Variants in NCKAP5L observed in about 807,000 individuals in gnomAD.
The protein encoded by NCKAP5L is nck-associated protein 5-like.
NCKAP5L carries 54 observed loss-of-function variants against 103.2 expected under a neutral mutation model. The observed-to-expected ratio is 0.52, with a 90% CI of 0.42 to 0.66. NCKAP5L has a LOEUF of 0.66. Ranked by LOEUF, NCKAP5L falls within the 30% of genes least tolerant of loss-of-function variation. The probability of loss-of-function intolerance (pLI) is 0.00; values close to 1 mark genes in which losing one functional copy is unlikely to be tolerated. For missense variants in NCKAP5L, 1,733 were observed against 1,750.6 expected (o/e 0.99, Z 0.18); for synonymous variants, 762 against 748.6 (o/e 1.02, Z -0.29).
At position 49,793,873 on chromosome 12, in the gene NCKAP5L, G is replaced by C; in HGVS notation, c.3119C>G (p.Ser1040Cys). ...AGGCTTGGGCTCCCGCCAGCTCTTGGATGGCAGCTCCTTGCCATCCACCCT... is the reference window on the plus strand; with the variant it reads ...AGGCTTGGGCTCCCGCCAGCTCTTGCATGGCAGCTCCTTGCCATCCACCCT... ...LNRVDGKELP[S>C]KSWREPKPEY... Residue 1040 changes from serine (S) to cysteine (C), a missense_variant, in exon 9 of 13, where the codon TCC becomes TGC. Ser to Cys is a moderately radical substitution (Grantham distance 112, BLOSUM62 -1). Coordinates refer to ENST00000335999, the MANE Select transcript of NCKAP5L (RefSeq NM_001037806.4). 2 of 1,563,328 alleles carry C rather than the reference G, an allele frequency of 1.3e-6. No individual in the cohort carries two copies. Among genetic ancestry groups the C allele is most frequent in the Non-Finnish European group, 1.7e-6 (2 of 1,155,192 alleles).
At chr12:49,794,504 G>A (rs1057077120) in intron 8 of NCKAP5L, among the ~76,000 whole-genome samples, 1 of 152,106 alleles carries the variant, frequency 6.6e-6, no homozygotes, top group African/African-American at 2.4e-5. Context: ...GCCTCATCTG[G>A]TATGGAGACC....
At position 49,792,102 on chromosome 12, in the gene NCKAP5L, C is replaced by A; in HGVS notation, c.3793-51G>T. 1 of 1,443,926 alleles carries A rather than the reference C, an allele frequency of 6.9e-7. No homozygotes were observed. The highest frequency in any genetic ancestry group is 1.4e-5 in the South Asian group (1 of 70,982). 89.4% of individuals were successfully genotyped at this position (1,443,926 alleles called of 1,614,324 possible). A position where few individuals can be genotyped will look rare whatever the true frequency, so the allele number is the denominator to read the frequency against. On this transcript the variant is annotated intron_variant, in intron 12 of 12. Transcript: ENST00000335999. The surrounding 1 kb of genome is among the most constrained non-coding windows in gnomAD (Gnocchi z 4.5). ...GGAAGCTCCTCTCCACCTTTCGGCCCAGCCTCAGAGGCACTGAGCTCTGAG... is the reference window on the plus strand; with the variant it reads ...GGAAGCTCCTCTCCACCTTTCGGCCAAGCCTCAGAGGCACTGAGCTCTGAG...
At chr12:49,809,535 G>A (rs963035251) in intron 1 of NCKAP5L, among the ~76,000 whole-genome samples, 1 of 152,110 alleles carries the variant, frequency 6.6e-6, no homozygotes, top group Admixed American at 6.5e-5. Flanking sequence ...CTTAATCACA[G>A]AATCACCCGT....
At chr12:49,825,338 A>G (rs1198252086) in intron 1 of NCKAP5L, among the ~76,000 whole-genome samples, 2 of 152,182 alleles carry the variant, frequency 1.3e-5, no homozygotes, top group African/African-American at 2.4e-5. Flanking sequence ...GGGTTGTCGA[A>G]GGAGACAGTG....
chr12:49,804,108 G>T, intron 2 of NCKAP5L, 28 bp from the exon 3 acceptor site: 1 of 1,590,586 alleles, frequency 6.3e-7, no homozygotes, highest in South Asian at 1.1e-5. Flanking sequence ...GAGGAAGTGA[G>T]AAGGAGGAGG....
intron 1 of NCKAP5L, among the ~76,000 whole-genome samples, chr12:49,811,502 G>A (rs1378799635): frequency 2.0e-5 from 3 of 150,450 alleles, no homozygotes; most frequent in Middle Eastern, 3.4e-3. Flanking sequence ...GCCTGCTCCC[G>A]GGCAAAGCCA....
chr12:49,792,414 G>C lies in NCKAP5L; in HGVS notation c.3792+32C>G. 6.2e-7 allele frequency: 1 copy of C among 1,611,632 alleles called. No homozygotes were observed. The highest frequency in any genetic ancestry group is 8.5e-7 in the Non-Finnish European group (1 of 1,178,968). ...CCACATCACTCCCTCCTGCTCCCGA[G>C]TCCTTTCCCTTTCCTCTGCTGCAAT... On this transcript the variant is annotated intron_variant, in intron 12 of 12. Transcript: ENST00000335999. This position sits in a 1 kb window ranked among gnomAD's most constrained non-coding sequence, Gnocchi z 4.5.
chr12:49,807,064 C>A (rs560055499), intron 1 of NCKAP5L, among the ~76,000 whole-genome samples: 1 of 152,286 alleles, frequency 6.6e-6, no homozygotes, highest in East Asian at 1.9e-4. Flanking sequence ...ATAGGGGCAC[C>A]TGAAGATCTC....
chr12:49,825,718 A>C (rs1018523680), intron 1 of NCKAP5L, among the ~76,000 whole-genome samples: 3 of 152,038 alleles, frequency 2.0e-5, no homozygotes, highest in Admixed American at 2.0e-4. Context: ...CTGCAGCTTC[A>C]CCTTCATAGG....
Position 49,800,534 on chromosome 12 carries a change from CACTG to C in NCKAP5L, c.351+1310_351+1313del, listed in dbSNP as rs1339642442. Among the ~76,000 whole-genome samples the C allele has an allele frequency of 1.1e-4, 16 of 152,370 alleles. 1 individual carries two copies. The East Asian group carries it at 2.1e-3, about 20-fold the overall frequency. Reference sequence around the variant, plus strand: ...TGGGAATCACATCATAAACAGCTGCCACTGACTGACTATCTACTGTGGGCCAAGC... The same window carrying C: ...TGGGAATCACATCATAAACAGCTGCCACTGACTATCTACTGTGGGCCAAGC... On this transcript the variant is annotated intron_variant, in intron 6 of 12. Transcript: ENST00000335999.
chr12:49,818,092 G>A (rs11169165), intron 1 of NCKAP5L, among the ~76,000 whole-genome samples: 8,689 of 151,474 alleles, frequency 0.057, 493 homozygotes, highest in African/African-American at 0.15. Flanking sequence ...AGATCGCGCT[G>A]CTGCACTCTG....
Position 49,797,251 on chromosome 12 carries a change from C to T in NCKAP5L, c.609G>A (p.Leu203=), listed in dbSNP as rs926581407. ...AGGGGGTGGCAGGTGAGCAGAGAAG[C>T]AAGGGGTCAGTCTCTTCCAGGGCTC... ...VLRALEETDP[L]LLCSPATPWR... is the part of the protein sequence containing the mutation. Residue 203 remains leucine (L), a synonymous_variant, in exon 8 of 13, where the codon TTG becomes TTA. Coordinates refer to ENST00000335999, the MANE Select transcript of NCKAP5L (RefSeq NM_001037806.4). This position sits in a 1 kb window ranked among gnomAD's most constrained non-coding sequence, Gnocchi z 4.5. 1.9e-6 allele frequency: 3 copies of T among 1,613,570 alleles called. No homozygotes were observed. The highest frequency in any genetic ancestry group is 2.5e-6 in the Non-Finnish European group (3 of 1,179,836).
At chr12:49,801,747 G>T in intron 6 of NCKAP5L, 101 bp downstream of exon 6, 1 of 1,428,708 alleles carries the variant, frequency 7.0e-7, no homozygotes, top group East Asian at 2.4e-5. Flanking sequence ...ACAGCTGATG[G>T]CCTGCTTCCC....
chr12:49,794,944 C>T lies in NCKAP5L; in HGVS notation c.2916G>A (p.Met972Ile). 1 of 1,577,160 alleles carries T rather than the reference C, an allele frequency of 6.3e-7. No individual in the cohort carries two copies. The highest frequency in any genetic ancestry group is 8.6e-7 in the Non-Finnish European group (1 of 1,162,460). Reference sequence around the variant, plus strand: ...CCCGACGCAGGTCTTCCGCCTTGGCCATCAGCTTGGAGATGTTGAGGCTCT... The same window carrying T: ...CCCGACGCAGGTCTTCCGCCTTGGCTATCAGCTTGGAGATGTTGAGGCTCT... ...EAESLNISKL[M>I]AKAEDLRRAL... The change falls in exon 8 of 13, where the codon ATG becomes ATA. Residue 972 changes from methionine (M) to isoleucine (I), a missense_variant. Coordinates refer to ENST00000335999, the MANE Select transcript of NCKAP5L (RefSeq NM_001037806.4).
chr12:49,792,705 G>A lies in NCKAP5L; in HGVS notation c.3622C>T (p.His1208Tyr). 1 of 1,611,956 alleles carries A rather than the reference G, an allele frequency of 6.2e-7. No individual in the cohort carries two copies. Among genetic ancestry groups the A allele is most frequent in the Non-Finnish European group, 8.5e-7 (1 of 1,179,294 alleles). The change falls in exon 11 of 13, where the codon CAC becomes TAC. Residue 1208 changes from histidine to tyrosine, a missense_variant. By Grantham distance (83) the His-to-Tyr change is moderately conservative (BLOSUM62 2). Coordinates refer to ENST00000335999, the MANE Select transcript of NCKAP5L (RefSeq NM_001037806.4). The surrounding 1 kb of genome is among the most constrained non-coding windows in gnomAD (Gnocchi z 4.5). ...TCAGGACAGGTCTCATGGCCCCGGT[G>A]GCCCGGAGCAGCGGGTAGCAGTGCA... is the stretch of plus-strand genomic sequence containing the variant. ...FPALLPAAPG[H>Y]RGHETCPDDP...
rs1234070724 is a variant in NCKAP5L, at chr12:49,802,941, G to T, written c.231+17C>A. ...GCTGTGCCCAGGGCTTCTCCCCAGG[G>T]TGTCTGGGTTACTCACCTTCTGGTT... On this transcript the variant is annotated intron_variant, in intron 5 of 12. Transcript: ENST00000335999. The T allele has an allele frequency of 1.9e-6, 3 of 1,612,870 alleles. No homozygotes were observed. The highest frequency in any genetic ancestry group is 2.5e-6 in the Non-Finnish European group (3 of 1,179,478).
chr12:49,814,567 C>T (rs2137031404), intron 1 of NCKAP5L, among the ~76,000 whole-genome samples: 1 of 151,790 alleles, frequency 6.6e-6, no homozygotes, highest in South Asian at 2.1e-4. Flanking sequence ...TCCACTTCTT[C>T]CTGGATGACT....
rs559236362 is a variant in NCKAP5L at position 49,817,354 on chromosome 12, T to C, written c.-99+10968A>G. On this transcript the variant is annotated intron_variant, in intron 1 of 12. Transcript: ENST00000335999. The stretch of plus-strand genomic sequence containing the variant: ...CCCCAAATAGCCAAAGCAATACATC[T>C]CACAAAAGAATTACTTTGATAGAGT... Among the ~76,000 whole-genome samples the C allele has an allele frequency of 2.6e-5, 4 of 152,174 alleles. No homozygotes were observed. The South Asian group carries it at 8.3e-4, about 32-fold the overall frequency.
chr12:49,796,474 A>T lies in NCKAP5L; in HGVS notation c.1386T>A (p.Pro462=). Residue 462 remains proline, a synonymous_variant, in exon 8 of 13, where the codon CCT becomes CCA. Coordinates refer to ENST00000335999, the MANE Select transcript of NCKAP5L (RefSeq NM_001037806.4). ...PARGLKFLKL[P]PTSEKSPSPG... ...GGCTGGGGCTCTTCTCCGAGGTTGG[A>T]GGCAGCTTTAGAAACTTGAGACCCC... The T allele has an allele frequency of 6.5e-7, 1 of 1,531,650 alleles. No homozygotes were observed. Among genetic ancestry groups the T allele is most frequent in the Non-Finnish European group, 8.8e-7 (1 of 1,140,380 alleles). 94.9% of individuals were successfully genotyped at this position (1,531,650 alleles called of 1,614,324 possible).
Sources: gnomAD v4.1 joint callset for allele counts (sites outside exome capture counted in the v4.1 genomes callset) on GRCh38, gnomAD v4.1.1 for gene constraint, Gnocchi (gnomAD v3.1) non-coding constraint, MANE v1.5 for transcripts, NCBI Gene and HGNC (gene_info 2026-07-23, HGNC 2026-07-21) for gene names.